RANBP17: variants seen among roughly 807,000 people sequenced by gnomAD.
The protein encoded by RANBP17 is ran-binding protein 17.
In RANBP17, 158 loss-of-function variants were observed where a neutral mutation model predicts 141.2. That is an observed-to-expected ratio of 1.12 (90% CI 0.98 to 1.28). The LOEUF (loss-of-function observed/expected upper bound fraction) is 1.28. Ranked by LOEUF, RANBP17 falls within the 50% of genes most tolerant of loss-of-function variation. The pLI is 0.00. For synonymous variants in RANBP17, 430 were observed against 450.0 expected, an observed-to-expected ratio of 0.96 and a Z score of 0.56; for missense variants, 1,438 against 1,290.7, an observed-to-expected ratio of 1.11 and a Z score of -1.75.
At chr5:171,001,152 T>C (rs13155719) in intron 14 of RANBP17, among the ~76,000 whole-genome samples, 92,977 of 151,778 alleles carry the variant, frequency 0.61, 29,839 homozygotes, top group South Asian at 0.88. Flanking sequence ...TCAGGGCTGC[T>C]TCGAGGGGAT....
chr5:170,915,367 A>G (rs1771864055), intron 8 of RANBP17, among the ~76,000 whole-genome samples: 1 of 152,098 alleles, frequency 6.6e-6, no homozygotes, highest in African/African-American at 2.4e-5. Flanking sequence ...CAGAAAACAG[A>G]CCCAGATTGA....
intron 14 of RANBP17, among the ~76,000 whole-genome samples, chr5:171,055,782 T>A (rs898195409): frequency 2.6e-5 from 4 of 151,618 alleles, no homozygotes; most frequent in Admixed American, 6.6e-5. Context: ...GGGGCTTTTA[T>A]TGGCTCTGTA....
At chr5:171,074,315 A>AT (rs1338146048) in intron 14 of RANBP17, among the ~76,000 whole-genome samples, 5 of 152,192 alleles carry the variant, frequency 3.3e-5, no homozygotes, top group African/African-American at 1.2e-4. Context: ...TGTCAAAGCC[A>AT]TAAAAAACAA....
At position 170,968,370 on chromosome 5, in the gene RANBP17, C is replaced by A. The variant is rs776654961; in HGVS notation, c.1703C>A (p.Thr568Asn). ...KTYVGDQLQRTSKVYARMSEV... is the reference protein window; with the variant it reads ...KTYVGDQLQRNSKVYARMSEV... ...TATGTTGGTGATCAACTTCAAAGAA[C>A]CTCAAAGGTAGGTTTCTACTAGAGA... Residue 568 changes from threonine (T) to asparagine (N), a missense_variant, in exon 14 of 28, where the codon ACC (threonine) becomes AAC (asparagine). Thr to Asn is a moderately conservative substitution (Grantham distance 65, BLOSUM62 0). Transcript: ENST00000523189. The A allele has an allele frequency of 1.2e-6, 2 of 1,603,558 alleles. No homozygotes were observed. The highest frequency in any genetic ancestry group is 2.3e-5 in the South Asian group (2 of 88,680).
chr5:171,028,580 A>G (rs1781367727), intron 14 of RANBP17, among the ~76,000 whole-genome samples: 1 of 152,180 alleles, frequency 6.6e-6, no homozygotes. Flanking sequence ...TATTTTGTCC[A>G]AAAAAGCAAT....
chr5:171,226,771 T>TA (rs998389671), intron 22 of RANBP17, among the ~76,000 whole-genome samples: 8 of 152,172 alleles, frequency 5.3e-5, no homozygotes, highest in African/African-American at 1.7e-4. Context: ...GGACTTTTTT[T>TA]AAAAAAGAGG....
At chr5:170,876,642 T>C (rs1053055396) in intron 1 of RANBP17, among the ~76,000 whole-genome samples, 1 of 152,038 alleles carries the variant, frequency 6.6e-6, no homozygotes, top group African/African-American at 2.4e-5. Flanking sequence ...TGGGCTCTGA[T>C]GTAGTTAGGG....
At chr5:171,051,052 G>T (rs1440584544) in intron 14 of RANBP17, among the ~76,000 whole-genome samples, 1 of 151,986 alleles carries the variant, frequency 6.6e-6, no homozygotes, top group Non-Finnish European at 1.5e-5. Flanking sequence ...TGTTCATTTG[G>T]ATTGTTATTC....
At chr5:171,283,314 C>T (rs973728374) in intron 25 of RANBP17, among the ~76,000 whole-genome samples, 6 of 152,156 alleles carry the variant, frequency 3.9e-5, no homozygotes, top group African/African-American at 9.7e-5. Flanking sequence ...TCTGTATATT[C>T]CCAGGGTTTG....
At chr5:171,012,919 C>G (rs536089999) in intron 14 of RANBP17, among the ~76,000 whole-genome samples, 11 of 152,222 alleles carry the variant, frequency 7.2e-5, no homozygotes, top group African/African-American at 2.6e-4. Context: ...TTTAATTTCT[C>G]CTGTCGTGTT....
intron 4 of RANBP17, among the ~76,000 whole-genome samples, 184 bp from the exon 5 acceptor site, chr5:170,895,866 T>C (rs376135060): frequency 1.3e-5 from 2 of 152,244 alleles, no homozygotes; most frequent in East Asian, 3.8e-4. Flanking sequence ...AAAATAGGTT[T>C]GAAATTCTTT....
chr5:171,145,371 A>G (rs1306200875), intron 14 of RANBP17, among the ~76,000 whole-genome samples: 1 of 152,180 alleles, frequency 6.6e-6, no homozygotes, highest in Non-Finnish European at 1.5e-5. Context: ...AATCTGTATT[A>G]CACTTTCTCC....
At chr5:171,235,508 T>C (rs1471496517) in intron 22 of RANBP17, among the ~76,000 whole-genome samples, 3 of 152,058 alleles carry the variant, frequency 2.0e-5, no homozygotes, top group Non-Finnish European at 4.4e-5. Context: ...GGATTGACTT[T>C]TACTAAAGAC....
intron 24 of RANBP17, among the ~76,000 whole-genome samples, chr5:171,258,291 G>A (rs1766056641): frequency 6.6e-6 from 1 of 152,044 alleles, no homozygotes; most frequent in Admixed American, 6.6e-5. Flanking sequence ...GAAGAATATT[G>A]TTAAAATGTC....
chr5:171,127,883 G>C (rs1004925657), intron 14 of RANBP17, among the ~76,000 whole-genome samples: 2 of 152,124 alleles, frequency 1.3e-5, no homozygotes, highest in African/African-American at 4.8e-5. Flanking sequence ...ATATCAGGCC[G>C]GGCACGGTGG....
rs114208916 is a variant in RANBP17, at chr5:171,210,526, G to T, written c.2232-3105G>T. ...GATATTCTTAGGTTCTGAGATTTGG[G>T]TTGAATCCATTTTCTCATGAGCCTT... On this transcript the variant is annotated intron_variant, in intron 20 of 27. Transcript: ENST00000523189. 3.8e-3 allele frequency among the ~76,000 whole-genome samples: 575 copies of T among 152,178 alleles called. 2 individuals are homozygous for T. Among genetic ancestry groups the T allele is most frequent in the African/African-American group, 0.013 (524 of 41,498 alleles).
intron 14 of RANBP17, among the ~76,000 whole-genome samples, chr5:171,169,786 A>G (rs143821147): frequency 6.6e-6 from 1 of 151,894 alleles, no homozygotes; most frequent in African/African-American, 2.4e-5. Context: ...GAAGTACTCT[A>G]CTTTCCAGCC....
chr5:171,135,332 G>A lies in RANBP17; in HGVS notation c.1711-34798G>A, dbSNP rs1216263607. 3.3e-5 allele frequency among the ~76,000 whole-genome samples: 5 copies of A among 150,418 alleles called. No individual in the cohort carries two copies. In the East Asian group the frequency reaches 9.7e-4, roughly 29 times the overall value. ...TAAAAAGTTATGATTTCTTATCATT[G>A]TTTACTGACTTTTTTAAAAAGCAAA... On this transcript the variant is annotated intron_variant, in intron 14 of 27. Coordinates refer to ENST00000523189, the MANE Select transcript of RANBP17 (RefSeq NM_022897.5).
At position 171,045,804 on chromosome 5, in the gene RANBP17, T is replaced by C. The variant is rs370868924; in HGVS notation, c.1710+77427T>C. Among the ~76,000 whole-genome samples the C allele has an allele frequency of 4.3e-4, 65 of 152,292 alleles. 1 individual carries two copies. In the South Asian group the frequency reaches 0.013, roughly 31 times the overall value. On this transcript the variant is annotated intron_variant, in intron 14 of 27. Transcript: ENST00000523189. ...CTATCACAGTCAGGATACAGAGTAG[T>C]TCTGTCCCCTGAGATAAATAAATAA...
Sources: gnomAD v4.1 joint callset for allele counts (sites outside exome capture counted in the v4.1 genomes callset) on GRCh38, gnomAD v4.1.1 for gene constraint, MANE v1.5 for transcripts, NCBI Gene and HGNC (gene_info 2026-07-23, HGNC 2026-07-21) for gene names.